Variants in PTPRT observed in about 807,000 individuals in gnomAD.
PTPRT encodes the protein receptor-type tyrosine-protein phosphatase T.
In PTPRT, 56 loss-of-function variants were observed where a neutral mutation model predicts 176.8. The observed-to-expected ratio is 0.32, with a 90% CI of 0.26 to 0.40. The LOEUF (loss-of-function observed/expected upper bound fraction) is 0.40, where lower values mean the gene tolerates loss of function less well. Ranked by LOEUF, PTPRT falls within the 10% of genes least tolerant of loss-of-function variation. The probability of loss-of-function intolerance (pLI) is 1.00; values close to 1 mark genes in which losing one functional copy is unlikely to be tolerated. For synonymous variants in PTPRT, 783 were observed against 739.0 expected (o/e 1.06, Z -0.96); for missense variants, 1,540 against 1,908.2 (o/e 0.81, Z 3.60).
chr20:42,112,751 G>A (rs1987070965), intron 22 of PTPRT, among the ~76,000 whole-genome samples: 1 of 152,140 alleles, frequency 6.6e-6, no homozygotes, highest in Admixed American at 6.5e-5. Context: ...CCAAACGACT[G>A]CTGCTTCTGG....
intron 18 of PTPRT, among the ~76,000 whole-genome samples, chr20:42,140,788 T>C (rs528949135): frequency 6.6e-6 from 1 of 152,320 alleles, no homozygotes; most frequent in East Asian, 1.9e-4. Flanking sequence ...GAATCCTGGT[T>C]AATAAAATAA....
intron 12 of PTPRT, among the ~76,000 whole-genome samples, chr20:42,284,560 C>T (rs1190244543): frequency 1.3e-5 from 2 of 152,032 alleles, no homozygotes; most frequent in East Asian, 3.9e-4. Context: ...TAGATTCCTT[C>T]TTCCACGTTG....
intron 13 of PTPRT, among the ~76,000 whole-genome samples, chr20:42,276,499 AT>A (rs1308919786): frequency 7.1e-4 from 2 of 2,832 alleles, no homozygotes; most frequent in African/African-American, 2.7e-3. Context: ...AGAAGGAAAT[AT>A]ATATATATAT....
At chr20:42,782,702 A>T (rs1355066702) in intron 3 of PTPRT, among the ~76,000 whole-genome samples, 1 of 152,202 alleles carries the variant, frequency 6.6e-6, no homozygotes, top group East Asian at 1.9e-4. Context: ...TGACTGCACA[A>T]CATTAAAAAG....
chr20:42,739,360 G>A (rs1466759138), intron 6 of PTPRT, among the ~76,000 whole-genome samples: 1 of 152,120 alleles, frequency 6.6e-6, no homozygotes, highest in East Asian at 1.9e-4. Context: ...GGATGTGGTA[G>A]GGGGAAGAGA....
intron 1 of PTPRT, among the ~76,000 whole-genome samples, chr20:43,034,973 C>T (rs1986316298): frequency 2.0e-5 from 3 of 148,502 alleles, no homozygotes; most frequent in Non-Finnish European, 4.5e-5. Flanking sequence ...TTATTAGTAA[C>T]AATGCTGGGA....
At chr20:42,730,001 C>G (rs995319786) in intron 6 of PTPRT, among the ~76,000 whole-genome samples, 3 of 152,154 alleles carry the variant, frequency 2.0e-5, no homozygotes, top group African/African-American at 4.8e-5. Flanking sequence ...AATTCCTAGT[C>G]CTCCCAAAAG....
chr20:43,128,248 A>G (rs2013517217), intron 1 of PTPRT, among the ~76,000 whole-genome samples: 1 of 152,224 alleles, frequency 6.6e-6, no homozygotes, highest in Non-Finnish European at 1.5e-5. Flanking sequence ...GTTCAGTTGA[A>G]CACTTACGGA....
At chr20:42,588,921 A>C (rs2145749695) in intron 7 of PTPRT, among the ~76,000 whole-genome samples, 1 of 152,332 alleles carries the variant, frequency 6.6e-6, no homozygotes, top group South Asian at 2.1e-4. Context: ...CAACTGAGGC[A>C]CCAAGACGTA....
At position 42,099,549 on chromosome 20, in the gene PTPRT, G is replaced by C. The variant is rs376387495; in HGVS notation, c.3715-997C>G. On this transcript the variant is annotated intron_variant, in intron 26 of 30. Coordinates refer to ENST00000373187, the MANE Select transcript of PTPRT (RefSeq NM_007050.6). ...GGCCCAGAGAAAATGGCCTGGGCGG[G>C]GGGGGGGGGGGTGGGGTGGTCTGGC... Among the ~76,000 whole-genome samples the C allele has an allele frequency of 3.5e-4, 21 of 60,484 alleles. 1 individual carries two copies. Among genetic ancestry groups the C allele is most frequent in the East Asian group, 2.4e-3 (4 of 1,678 alleles). The allele number at this position is 60,484 out of a possible 152,430, so 39.7% of individuals were successfully genotyped here. A position where few individuals can be genotyped will look rare whatever the true frequency, so the allele number is the denominator to read the frequency against.
chr20:42,325,456 A>G (rs1403404366), intron 11 of PTPRT, among the ~76,000 whole-genome samples: 1 of 152,216 alleles, frequency 6.6e-6, no homozygotes, highest in Non-Finnish European at 1.5e-5. Context: ...AAGCATCCAA[A>G]TAAGTTTTCC....
intron 1 of PTPRT, among the ~76,000 whole-genome samples, chr20:42,977,782 T>C (rs1983033424): frequency 6.6e-6 from 1 of 152,238 alleles, no homozygotes; most frequent in African/African-American, 2.4e-5. Context: ...TACTCTCTAT[T>C]GCTGAACATT....
intron 7 of PTPRT, among the ~76,000 whole-genome samples, chr20:42,593,848 C>T (rs1008776607): frequency 4.6e-5 from 7 of 152,100 alleles, no homozygotes; most frequent in Admixed American, 3.9e-4. Flanking sequence ...AGGTAAATAG[C>T]CCCTTTGTTA....
intron 28 of PTPRT, 91 bp from the exon 29 acceptor site, chr20:42,084,936 G>C (rs1408818987): frequency 7.8e-6 from 9 of 1,157,936 alleles, no homozygotes; most frequent in Non-Finnish European, 1.0e-5. Flanking sequence ...GCATCATGGT[G>C]GAAGACAGAC....
chr20:43,029,851 A>G (rs8119277), intron 1 of PTPRT, among the ~76,000 whole-genome samples: 51 of 152,280 alleles, frequency 3.3e-4, no homozygotes, highest in African/African-American at 1.2e-3. Flanking sequence ...AATCCAGCTC[A>G]TAGTTTTCTG....
At chr20:43,148,771 G>T (rs2014251371) in intron 1 of PTPRT, among the ~76,000 whole-genome samples, 1 of 152,134 alleles carries the variant, frequency 6.6e-6, no homozygotes, top group Non-Finnish European at 1.5e-5. Flanking sequence ...CTGGTATAGG[G>T]TTCATATGCC....
At chr20:42,389,374 A>C (rs2058777473) in intron 9 of PTPRT, among the ~76,000 whole-genome samples, 1 of 152,174 alleles carries the variant, frequency 6.6e-6, no homozygotes, top group African/African-American at 2.4e-5. Context: ...CTTCTTTCAC[A>C]GCACACATCA....
At chr20:42,726,344 G>A (rs1046748497) in intron 6 of PTPRT, among the ~76,000 whole-genome samples, 2 of 152,114 alleles carry the variant, frequency 1.3e-5, no homozygotes, top group Admixed American at 6.5e-5. Flanking sequence ...CTCCCAAAGT[G>A]CTGGGATTAC....
Position 42,080,923 on chromosome 20 carries a change from T to C in PTPRT, c.4282A>G (p.Lys1428Glu). Residue 1428 changes from lysine to glutamate, a missense_variant, in exon 31 of 31, where the codon AAA becomes GAA. Lys to Glu is a moderately conservative substitution (Grantham distance 56). This residue lies in a region of PTPRT where 342 missense variants were observed against 394.0 expected (regional missense o/e 0.87). Coordinates refer to ENST00000373187, the MANE Select transcript of PTPRT (RefSeq NM_007050.6). Reference protein sequence around the residue: ...SNMVETLEQYKFVYEVALEYL... With the variant: ...SNMVETLEQYEFVYEVALEYL... ...TCCAGTGCCACCTCGTATACAAATTTATACTGTTCCTGAGAGGCGGAGAGG... is the reference window on the plus strand; with the variant it reads ...TCCAGTGCCACCTCGTATACAAATTCATACTGTTCCTGAGAGGCGGAGAGG... 1 of 1,607,088 alleles carries C rather than the reference T, an allele frequency of 6.2e-7. No individual in the cohort carries two copies. The highest frequency in any genetic ancestry group is 8.5e-7 in the Non-Finnish European group (1 of 1,174,272).
Sources: gnomAD v4.1 joint callset for allele counts (sites outside exome capture counted in the v4.1 genomes callset) on GRCh38, gnomAD v4.1.1 for gene constraint, gnomAD v4.1.1 regional missense constraint, MANE v1.5 for transcripts, NCBI Gene and HGNC (gene_info 2026-07-23, HGNC 2026-07-21) for gene names.